The following PIP4K2C variants were observed in gnomAD, a reference collection of about 807,000 sequenced individuals.
The protein encoded by PIP4K2C is phosphatidylinositol-5-phosphate 4-kinase type 2 gamma, also known as phosphatidylinositol 5-phosphate 4-kinase type-2 gamma.
Under a neutral mutation model 45.0 loss-of-function variants are expected in PIP4K2C, and 21 were observed. The observed-to-expected ratio is 0.47, with a 90% CI of 0.33 to 0.67. The LOEUF (loss-of-function observed/expected upper bound fraction) is 0.67. Ranked by LOEUF, PIP4K2C falls within the 30% of genes least tolerant of loss-of-function variation. PIP4K2C has a pLI of 0.02. For missense variants in PIP4K2C, 456 were observed against 542.8 expected (o/e 0.84, Z 1.59); for synonymous variants, 201 against 204.8 (o/e 0.98, Z 0.16).
chr12:57,598,113 G>A (rs779488652), intron 4 of PIP4K2C: 4 of 152,206 alleles, frequency 2.6e-5, no homozygotes, highest in African/African-American at 4.8e-5. Context: ...ATCTCACTGT[G>A]TTCCCCGGGC....
intron 5 of PIP4K2C, 61 bp from the exon 6 acceptor site, chr12:57,599,339 G>A: frequency 6.2e-7 from 1 of 1,610,152 alleles, no homozygotes; most frequent in Non-Finnish European, 8.5e-7. Flanking sequence ...CATCTTAGGG[G>A]CTGGGTTCTG....
rs1486958769 is a variant in PIP4K2C at position 57,602,291 on chromosome 12, C to T, written c.*685C>T. Reference sequence around the variant, plus strand: ...TCTGTCATAGATTGAGTAATCTCTTCCCTTACCTCAATTCCATCTCCACCC... The same window carrying T: ...TCTGTCATAGATTGAGTAATCTCTTTCCTTACCTCAATTCCATCTCCACCC... On this transcript the variant is annotated 3_prime_UTR_variant, in exon 10 of 10. Transcript: ENST00000354947. The T allele has an allele frequency of 6.6e-6, 1 of 152,290 alleles. No homozygotes were observed. Among genetic ancestry groups the T allele is most frequent in the Non-Finnish European group, 1.5e-5 (1 of 68,134 alleles). The allele number at this position is 152,290 out of a possible 1,614,324, so 9.4% of individuals were successfully genotyped here. A position where few individuals can be genotyped will look rare whatever the true frequency, so the allele number is the denominator to read the frequency against.
intron 8 of PIP4K2C, 26 bp downstream of exon 8, chr12:57,601,104 G>A (rs1350231232): frequency 6.2e-7 from 1 of 1,608,502 alleles, no homozygotes; most frequent in Admixed American, 1.7e-5. Flanking sequence ...CAATTTAAGG[G>A]TGGAGAGGGG....
At chr12:57,600,669 A>C in intron 7 of PIP4K2C, 142 bp from the exon 8 acceptor site, 1 of 1,040,584 alleles carries the variant, frequency 9.6e-7, no homozygotes, top group South Asian at 1.5e-5. Flanking sequence ...ATAGGCACTA[A>C]AGGCAGTGGT....
At chr12:57,595,577 C>T (rs924708217) in intron 3 of PIP4K2C, among the ~76,000 whole-genome samples, 4 of 151,934 alleles carry the variant, frequency 2.6e-5, no homozygotes, top group Non-Finnish European at 1.5e-5. Context: ...TGGTGGCGCA[C>T]GTCTAGTCCC....
chr12:57,591,914 C>T (rs1882980155), intron 1 of PIP4K2C, among the ~76,000 whole-genome samples: 1 of 152,034 alleles, frequency 6.6e-6, no homozygotes, highest in Non-Finnish European at 1.5e-5. Flanking sequence ...GCTTCCCAGC[C>T]CCGGTCCTTG....
rs1019034332 is a variant in PIP4K2C at position 57,602,802 on chromosome 12, T to A, written c.*1196T>A. 1.3e-5 allele frequency: 2 copies of A among 152,676 alleles called. No individual in the cohort carries two copies. The highest frequency in any genetic ancestry group is 6.5e-5 in the Admixed American group (1 of 15,284). The allele number at this position is 152,676 out of a possible 1,614,324, so 9.5% of individuals were successfully genotyped here. A position where few individuals can be genotyped will look rare whatever the true frequency, so the allele number is the denominator to read the frequency against. On this transcript the variant is annotated 3_prime_UTR_variant, in exon 10 of 10. Coordinates refer to ENST00000354947, the MANE Select transcript of PIP4K2C (RefSeq NM_024779.5). ...CCCAGAGAGGAGTCAGAGCCATAAC[T>A]CAATCACTCAGCCCCTCCAAAGATA...
chr12:57,592,472 T>C (rs1195738886), intron 1 of PIP4K2C, among the ~76,000 whole-genome samples: 1 of 152,236 alleles, frequency 6.6e-6, no homozygotes, highest in Non-Finnish European at 1.5e-5. Context: ...AAAGAATTTC[T>C]TAACCAAAAA....
chr12:57,599,550 A>G, intron 6 of PIP4K2C, 112 bp downstream of exon 6: 1 of 1,202,722 alleles, frequency 8.3e-7, no homozygotes, highest in South Asian at 1.3e-5. Flanking sequence ...ATTACTAGCT[A>G]TTTATTATCT....
In PIP4K2C at chr12:57,596,501, A is replaced by G. The variant is rs896259993; in HGVS notation, c.513+470A>G. On this transcript the variant is annotated intron_variant, in intron 4 of 9. Transcript: ENST00000354947. ...ACTCCGCCTAAAAAAAAAAAAAAAG[A>G]TTAAAAAAAAAAAGATTTACTTGGA... Among the ~76,000 whole-genome samples, 4 of 91,634 alleles carry G rather than the reference A, an allele frequency of 4.4e-5. No individual in the cohort carries two copies. In the East Asian group the frequency reaches 1.3e-3, roughly 31 times the overall value. The allele number at this position is 91,634 out of a possible 152,430, so 60.1% of individuals were successfully genotyped here.
chr12:57,601,048 A>G lies in PIP4K2C; in HGVS notation c.1051A>G (p.Ile351Val), dbSNP rs754478884. The G allele has an allele frequency of 6.4e-5, 104 of 1,613,702 alleles. No homozygotes were observed. The highest frequency in any genetic ancestry group is 8.8e-5 in the Non-Finnish European group (104 of 1,180,022). ...GGGCCCAGGAGAGTTTGAGTCCTTC[A>G]TTGATGTCTATGCCATCCGGAGTGC... ...PLGPGEFESF[I>V]DVYAIRSAEG... The change falls in exon 8 of 10, where the codon ATT (isoleucine) becomes GTT (valine). Residue 351 changes from isoleucine to valine, a missense_variant. By Grantham distance (29) the Ile-to-Val change is conservative (BLOSUM62 3). Coordinates refer to ENST00000354947, the MANE Select transcript of PIP4K2C (RefSeq NM_024779.5).
At chr12:57,600,481 C>T (rs543128354) in intron 7 of PIP4K2C, 44 bp downstream of exon 7, 1 of 1,331,874 alleles carries the variant, frequency 7.5e-7, no homozygotes, top group East Asian at 2.3e-5. Flanking sequence ...TTTTTTTGCT[C>T]CCTAGAGGGT....
At position 57,599,237 on chromosome 12, in the gene PIP4K2C, G is replaced by A. The variant is rs777522358; in HGVS notation, c.660+26G>A. The A allele has an allele frequency of 4.3e-6, 7 of 1,612,946 alleles. No homozygotes were observed. The East Asian group carries it at 1.6e-4, about 36-fold the overall frequency. ...GTAAGAAGAGGGTAGCTCGGACTTA[G>A]AGGGAGGCTCCTGATAGCCTGAGAA... On this transcript the variant is annotated intron_variant, in intron 5 of 9. Coordinates refer to ENST00000354947, the MANE Select transcript of PIP4K2C (RefSeq NM_024779.5).
chr12:57,599,491 A>T, intron 6 of PIP4K2C, 53 bp downstream of exon 6: 4 of 1,599,184 alleles, frequency 2.5e-6, no homozygotes, highest in Admixed American at 1.7e-5. Context: ...GGGAGGGCAG[A>T]TGAGGGGAAC....
chr12:57,593,774 CTG>C (rs1304233150), intron 1 of PIP4K2C, among the ~76,000 whole-genome samples: 1 of 127,418 alleles, frequency 7.8e-6, no homozygotes, highest in Non-Finnish European at 1.6e-5. Flanking sequence ...TATAAAATGA[CTG>C]TTGTGAGCAT....
rs772535761 is a variant in PIP4K2C, at chr12:57,602,377, A to T, written c.*771A>T. On this transcript the variant is annotated 3_prime_UTR_variant, in exon 10 of 10. Transcript: ENST00000354947. ...CAAAAGCATTCAAGCCTGGGGGAAG[A>T]TGTTTGACTATTGCTGCTCTTCACC... 1.3e-5 allele frequency: 2 copies of T among 152,242 alleles called. No homozygotes were observed. The highest frequency in any genetic ancestry group is 2.9e-5 in the Non-Finnish European group (2 of 68,074). The allele number at this position is 152,242 out of a possible 1,614,324, so 9.4% of individuals were successfully genotyped here.
chr12:57,599,166 T>C lies in PIP4K2C; in HGVS notation c.615T>C (p.Asn205=). 1.2e-6 allele frequency: 2 copies of C among 1,614,148 alleles called. No individual in the cohort carries two copies. Among genetic ancestry groups the C allele is most frequent in the South Asian group, 2.2e-5 (2 of 91,082 alleles). The change falls in exon 5 of 10, where the codon AAT becomes AAC. Residue 205 remains asparagine (N), a synonymous_variant. Transcript: ENST00000354947. ...NEDSYMLVMR[N]MFSHRLPVHR... Reference sequence around the variant, plus strand: ...ACAGCTACATGCTTGTGATGCGCAATATGTTTAGCCACCGTCTTCCTGTGC... The same window carrying C: ...ACAGCTACATGCTTGTGATGCGCAACATGTTTAGCCACCGTCTTCCTGTGC...
At chr12:57,595,863 G>A (rs1883167952) in intron 3 of PIP4K2C, 25 bp from the exon 4 acceptor site, 2 of 1,612,980 alleles carry the variant, frequency 1.2e-6, no homozygotes, top group South Asian at 1.1e-5. Context: ...GAGGAAAAGA[G>A]CTCTGGCCTA....
chr12:57,591,490 G>C (rs1882954992), intron 1 of PIP4K2C, 27 bp downstream of exon 1: 2 of 1,583,478 alleles, frequency 1.3e-6, no homozygotes, highest in South Asian at 2.3e-5. Context: ...GACCCCCGCA[G>C]CCCTGTCCAA....
Sources: gnomAD v4.1 joint callset for allele counts (sites outside exome capture counted in the v4.1 genomes callset) on GRCh38, gnomAD v4.1.1 for gene constraint, MANE v1.5 for transcripts, NCBI Gene and HGNC (gene_info 2026-07-23, HGNC 2026-07-21) for gene names.